The following SLC35F1 variants were observed in gnomAD, a reference collection of about 807,000 sequenced individuals.
SLC35F1 encodes solute carrier family 35 member F1.
Under a neutral mutation model 48.7 loss-of-function variants are expected in SLC35F1, and 14 were observed. The ratio of observed to expected loss-of-function variants is 0.29; its 90% CI spans 0.19 to 0.45. The LOEUF (loss-of-function observed/expected upper bound fraction) is 0.45, where lower values mean the gene tolerates loss of function less well. Ranked by LOEUF, SLC35F1 falls within the 20% of genes least tolerant of loss-of-function variation. The pLI is 1.00. For missense variants in SLC35F1, 404 were observed against 500.0 expected, an observed-to-expected ratio of 0.81 and a Z score of 1.83; for synonymous variants, 190 against 202.2, an observed-to-expected ratio of 0.94 and a Z score of 0.51.
At chr6:118,301,096 G>C (rs1482523358) in intron 7 of SLC35F1, among the ~76,000 whole-genome samples, 1 of 152,156 alleles carries the variant, frequency 6.6e-6, no homozygotes, top group Non-Finnish European at 1.5e-5. Context: ...TAAGTTCCAG[G>C]ATGACAGAGA....
chr6:118,228,708 C>T (rs1490641432), intron 2 of SLC35F1, among the ~76,000 whole-genome samples: 2 of 151,992 alleles, frequency 1.3e-5, no homozygotes, highest in African/African-American at 4.8e-5. Flanking sequence ...ACAAAACACA[C>T]AAAAAATACT....
chr6:118,209,251 A>G (rs1025935618), intron 2 of SLC35F1, among the ~76,000 whole-genome samples: 1 of 152,190 alleles, frequency 6.6e-6, no homozygotes, highest in South Asian at 2.1e-4. Flanking sequence ...CTCCCATGCC[A>G]CATAAAACTT....
At chr6:118,229,981 C>T (rs1562332619) in intron 2 of SLC35F1, among the ~76,000 whole-genome samples, 1 of 152,186 alleles carries the variant, frequency 6.6e-6, no homozygotes, top group South Asian at 2.1e-4. Flanking sequence ...TTGCCATACT[C>T]TACAGTCCTT....
chr6:118,133,885 C>T (rs1429585176), intron 1 of SLC35F1, among the ~76,000 whole-genome samples: 1 of 152,212 alleles, frequency 6.6e-6, no homozygotes, highest in Non-Finnish European at 1.5e-5. Context: ...CAGTGTGGAG[C>T]AATCCAGTGC....
At chr6:118,168,574 C>G (rs1420629642) in intron 2 of SLC35F1, among the ~76,000 whole-genome samples, 4 of 152,044 alleles carry the variant, frequency 2.6e-5, no homozygotes, top group African/African-American at 9.7e-5. Context: ...TAACTGAAAC[C>G]GTGGAAAGTG....
At position 118,182,468 on chromosome 6, in the gene SLC35F1, G is replaced by GT. The variant is rs1163410172; in HGVS notation, c.349+27848_349+27849insT. On this transcript the variant is annotated intron_variant, in intron 2 of 7. Coordinates refer to ENST00000360388, the MANE Select transcript of SLC35F1 (RefSeq NM_001029858.4). The stretch of plus-strand genomic sequence containing the variant: ...GTTCACACCGCTGCACTCCAGCTTG[G>GT]GCAACAGAGTGAGACCCTGTCAAAA... 2.2e-4 allele frequency among the ~76,000 whole-genome samples: 32 copies of GT among 147,026 alleles called. No homozygotes were observed. In the South Asian group the frequency reaches 6.5e-3, roughly 30 times the overall value.
intron 1 of SLC35F1, among the ~76,000 whole-genome samples, chr6:117,909,885 T>G (rs1775741572): frequency 6.6e-6 from 1 of 152,190 alleles, no homozygotes; most frequent in African/African-American, 2.4e-5. Flanking sequence ...TTATGTTGGG[T>G]TGACGGCATT....
intron 1 of SLC35F1, among the ~76,000 whole-genome samples, chr6:118,006,576 G>A (rs990007352): frequency 2.6e-5 from 4 of 152,010 alleles, no homozygotes; most frequent in African/African-American, 9.7e-5. Context: ...CTGTGACCAC[G>A]CTACTGCACT....
intron 1 of SLC35F1, among the ~76,000 whole-genome samples, chr6:118,084,273 T>C (rs1772952783): frequency 6.6e-6 from 1 of 152,154 alleles, no homozygotes; most frequent in South Asian, 2.1e-4. Flanking sequence ...TAAATTTAAG[T>C]GAAGGAGATA....
intron 2 of SLC35F1, among the ~76,000 whole-genome samples, chr6:118,189,195 G>A (rs531514805): frequency 4.0e-4 from 61 of 152,208 alleles, no homozygotes; most frequent in Admixed American, 6.5e-4. Context: ...ATAGGCATAA[G>A]CCACCATGCC....
chr6:117,981,638 G>A (rs1776782480), intron 1 of SLC35F1, among the ~76,000 whole-genome samples: 1 of 152,142 alleles, frequency 6.6e-6, no homozygotes, highest in South Asian at 2.1e-4. Context: ...GCTGAAGTAC[G>A]TGGGACGGCA....
chr6:118,145,927 T>G (rs1477456127), intron 1 of SLC35F1, among the ~76,000 whole-genome samples: 2 of 152,218 alleles, frequency 1.3e-5, no homozygotes, highest in Non-Finnish European at 2.9e-5. Context: ...TAAAGATGGC[T>G]GCAATACACA....
intron 1 of SLC35F1, among the ~76,000 whole-genome samples, chr6:118,134,109 T>A (rs572927376): frequency 6.6e-6 from 1 of 152,300 alleles, no homozygotes; most frequent in African/African-American, 2.4e-5. Flanking sequence ...CTGAAGTTAA[T>A]AAAGATATAT....
At chr6:118,000,756 G>A (rs1777079602) in intron 1 of SLC35F1, among the ~76,000 whole-genome samples, 2 of 152,126 alleles carry the variant, frequency 1.3e-5, no homozygotes, top group Non-Finnish European at 2.9e-5. Flanking sequence ...CTAAGTCTCA[G>A]GATACAAAAT....
At chr6:118,276,949 G>C (rs1347580462) in intron 5 of SLC35F1, among the ~76,000 whole-genome samples, 1 of 152,104 alleles carries the variant, frequency 6.6e-6, no homozygotes, top group Non-Finnish European at 1.5e-5. Context: ...CTCAAAATAT[G>C]GTCCTCTGAG....
chr6:118,266,849 A>T, intron 3 of SLC35F1, 146 bp from the exon 4 acceptor site: 1 of 758,508 alleles, frequency 1.3e-6, no homozygotes, highest in Non-Finnish European at 2.2e-6. Context: ...AGTCTGTTTT[A>T]AGTACATCAA....
At chr6:118,259,484 A>T (rs965968575) in intron 3 of SLC35F1, among the ~76,000 whole-genome samples, 1 of 152,080 alleles carries the variant, frequency 6.6e-6, no homozygotes, top group Admixed American at 6.6e-5. Flanking sequence ...AACAAATAAA[A>T]TCATCAAAAA....
intron 1 of SLC35F1, among the ~76,000 whole-genome samples, chr6:118,100,441 C>G (rs374701583): frequency 6.6e-6 from 1 of 152,172 alleles, no homozygotes; most frequent in South Asian, 2.1e-4. Flanking sequence ...AATTTAGGGG[C>G]TCTATGGACT....
intron 1 of SLC35F1, among the ~76,000 whole-genome samples, chr6:118,049,298 G>T (rs1425735212): frequency 6.6e-6 from 1 of 152,090 alleles, no homozygotes; most frequent in African/African-American, 2.4e-5. Context: ...CAGGACATAG[G>T]CATGGGCAAG....
Sources: gnomAD v4.1 joint callset for allele counts (sites outside exome capture counted in the v4.1 genomes callset) on GRCh38, gnomAD v4.1.1 for gene constraint, MANE v1.5 for transcripts, NCBI Gene and HGNC (gene_info 2026-07-23, HGNC 2026-07-21) for gene names.